The following SNTG1 variants were observed in gnomAD, a reference collection of about 807,000 sequenced individuals.
SNTG1 encodes gamma-1-syntrophin.
SNTG1 carries 39 observed loss-of-function variants against 74.7 expected under a neutral mutation model. The observed-to-expected ratio is 0.52, with a 90% CI of 0.40 to 0.68. The LOEUF is 0.68. Ranked by LOEUF, SNTG1 falls within the 30% of genes least tolerant of loss-of-function variation. The pLI is 0.00. For synonymous variants in SNTG1, 254 were observed against 217.1 expected (o/e 1.17, Z -1.49); for missense variants, 685 against 609.5 (o/e 1.12, Z -1.30).
At chr8:49,933,395 T>C (rs537823791) in intron 1 of SNTG1, among the ~76,000 whole-genome samples, 1 of 152,292 alleles carries the variant, frequency 6.6e-6, no homozygotes, top group Non-Finnish European at 1.5e-5. Flanking sequence ...TAAGAAACTA[T>C]TGCCTAACTT....
chr8:49,997,897 A>G (rs1432017267), intron 1 of SNTG1, among the ~76,000 whole-genome samples: 1 of 152,190 alleles, frequency 6.6e-6, no homozygotes, highest in African/African-American at 2.4e-5. Context: ...GTCTAGACGC[A>G]TATACAGTCA....
At chr8:50,160,741 T>C (rs1226729660) in intron 1 of SNTG1, among the ~76,000 whole-genome samples, 1 of 152,212 alleles carries the variant, frequency 6.6e-6, no homozygotes, top group Non-Finnish European at 1.5e-5. Context: ...CCTGAAGTCA[T>C]ACTCATACTT....
chr8:50,513,043 G>T (rs1397726845), intron 9 of SNTG1, among the ~76,000 whole-genome samples: 2 of 152,214 alleles, frequency 1.3e-5, no homozygotes, highest in Admixed American at 1.3e-4. Context: ...CCATCTTTAT[G>T]ATTTTATCTA....
intron 1 of SNTG1, among the ~76,000 whole-genome samples, chr8:49,957,362 A>G (rs1224977154): frequency 6.6e-6 from 1 of 152,226 alleles, no homozygotes; most frequent in Non-Finnish European, 1.5e-5. Context: ...CAATGAAATG[A>G]ATTCATTTTC....
intron 13 of SNTG1, among the ~76,000 whole-genome samples, chr8:50,622,692 A>C (rs1045403205): frequency 2.6e-5 from 4 of 152,142 alleles, no homozygotes; most frequent in Non-Finnish European, 4.4e-5. Flanking sequence ...ATTACCGATA[A>C]TCATACAGAT....
intron 2 of SNTG1, among the ~76,000 whole-genome samples, chr8:50,196,485 T>C (rs1285079388): frequency 6.6e-6 from 1 of 152,144 alleles, no homozygotes; most frequent in Non-Finnish European, 1.5e-5. Flanking sequence ...TTACAGCAAG[T>C]GTGGATGGTT....
In SNTG1 at chr8:50,414,673, G is replaced by A. The variant is rs144129029; in HGVS notation, c.162+12329G>A. 5.6e-3 allele frequency among the ~76,000 whole-genome samples: 848 copies of A among 151,964 alleles called. 12 individuals are homozygous for A. The highest frequency in any genetic ancestry group is 0.02 in the African/African-American group (812 of 41,454). ...TTTATTCATCATTTTATTGTGTGTT[G>A]TCTTGGAAAGGGATTTTAAGTATAT... On this transcript the variant is annotated intron_variant, in intron 4 of 18. Coordinates refer to ENST00000642720, the MANE Select transcript of SNTG1 (RefSeq NM_018967.5).
At chr8:50,097,136 A>AT (rs977089455) in intron 1 of SNTG1, among the ~76,000 whole-genome samples, 11 of 151,694 alleles carry the variant, frequency 7.3e-5, no homozygotes, top group African/African-American at 2.7e-4. Flanking sequence ...CACCCGGCTA[A>AT]TTTTTTTGTG....
chr8:50,481,988 C>T (rs969057684), intron 8 of SNTG1, among the ~76,000 whole-genome samples: 20 of 152,170 alleles, frequency 1.3e-4, no homozygotes, highest in African/African-American at 4.6e-4. Flanking sequence ...ATGTTATGGA[C>T]ATATTTATTC....
At chr8:50,761,873 A>G (rs1454959564) in intron 18 of SNTG1, among the ~76,000 whole-genome samples, 2 of 151,988 alleles carry the variant, frequency 1.3e-5, no homozygotes, top group African/African-American at 4.8e-5. Flanking sequence ...ATGTGACCTT[A>G]CAGATCAATA....
At chr8:49,956,370 C>G (rs1401486336) in intron 1 of SNTG1, among the ~76,000 whole-genome samples, 2 of 152,162 alleles carry the variant, frequency 1.3e-5, no homozygotes, top group African/African-American at 4.8e-5. Flanking sequence ...TTTCAGATAA[C>G]TGGCAATCTT....
At chr8:50,337,291 G>T (rs1030183913) in intron 2 of SNTG1, among the ~76,000 whole-genome samples, 3 of 152,134 alleles carry the variant, frequency 2.0e-5, no homozygotes, top group Admixed American at 2.0e-4. Flanking sequence ...ACCATCATTG[G>T]TGCCAATAAA....
At chr8:50,301,840 TTGTTTTC>T (rs909342606) in intron 2 of SNTG1, among the ~76,000 whole-genome samples, 3 of 140,728 alleles carry the variant, frequency 2.1e-5, no homozygotes, top group Non-Finnish European at 4.7e-5. Context: ...GTTTTTGTTT[TTGTTTTC>T]TGTTTTTGTT....
At chr8:50,411,325 G>C in intron 4 of SNTG1, among the ~76,000 whole-genome samples, 1 of 151,836 alleles carries the variant, frequency 6.6e-6, no homozygotes, top group East Asian at 2.0e-4. Flanking sequence ...GCGGGCGCCT[G>C]TAGTGCCCGC....
intron 1 of SNTG1, among the ~76,000 whole-genome samples, chr8:49,919,044 A>T (rs1299543205): frequency 2.0e-5 from 3 of 152,068 alleles, no homozygotes; most frequent in Admixed American, 6.6e-5. Flanking sequence ...CTACGTGATA[A>T]CATTTGCCTC....
At chr8:50,555,204 A>T (rs981329299) in intron 12 of SNTG1, among the ~76,000 whole-genome samples, 42 of 152,158 alleles carry the variant, frequency 2.8e-4, no homozygotes, top group Admixed American at 3.3e-4. Context: ...TACTGTTTTA[A>T]CTGTTTGGAG....
At position 50,535,382 on chromosome 8, in the gene SNTG1, T is replaced by G. The variant is rs142519862; in HGVS notation, c.550-1296T>G. On this transcript the variant is annotated intron_variant, in intron 10 of 18. Coordinates refer to ENST00000642720, the MANE Select transcript of SNTG1 (RefSeq NM_018967.5). ...ATGCTGACCACCTGTACAGCTGACATGAAGATCTGACCTCACATCACATGC... is the reference window on the plus strand; with the variant it reads ...ATGCTGACCACCTGTACAGCTGACAGGAAGATCTGACCTCACATCACATGC... Among the ~76,000 whole-genome samples, 729 of 152,228 alleles carry G rather than the reference T, an allele frequency of 4.8e-3. 5 individuals are homozygous for G. Among genetic ancestry groups the G allele is most frequent in the Non-Finnish European group, 7.5e-3 (512 of 68,014 alleles).
chr8:50,222,838 GCT>G (rs961045656), intron 2 of SNTG1, among the ~76,000 whole-genome samples: 8 of 152,228 alleles, frequency 5.3e-5, no homozygotes, highest in Admixed American at 3.9e-4. Flanking sequence ...AAATGTAGAT[GCT>G]CTCTAGAGAC....
chr8:50,102,121 G>C (rs1451798600), intron 1 of SNTG1, among the ~76,000 whole-genome samples: 3,352 of 150,830 alleles, frequency 0.022, 141 homozygotes, highest in African/African-American at 0.076. Flanking sequence ...CTAGATCCCT[G>C]AGGAATCGCC....
Sources: gnomAD v4.1 joint callset for allele counts (sites outside exome capture counted in the v4.1 genomes callset) on GRCh38, gnomAD v4.1.1 for gene constraint, MANE v1.5 for transcripts, NCBI Gene and HGNC (gene_info 2026-07-23, HGNC 2026-07-21) for gene names.